The following ZFYVE28 variants were observed in gnomAD, a reference collection of about 807,000 sequenced individuals.
ZFYVE28 encodes zinc finger FYVE-type containing 28.
A neutral mutation model predicts 82.1 loss-of-function variants in ZFYVE28; 40 were observed. That is an observed-to-expected ratio of 0.49 (90% CI 0.38 to 0.63). The LOEUF (loss-of-function observed/expected upper bound fraction) is 0.63, where lower values mean the gene tolerates loss of function less well. Among genes scored for constraint, ZFYVE28 ranks in the 30% least tolerant of loss-of-function variants. The pLI is 0.00. For synonymous variants in ZFYVE28, 612 were observed against 546.1 expected, an observed-to-expected ratio of 1.12 and a Z score of -1.68; for missense variants, 1,321 against 1,242.1, an observed-to-expected ratio of 1.06 and a Z score of -0.96.
intron 1 of ZFYVE28, among the ~76,000 whole-genome samples, chr4:2,385,426 C>T (rs551805565): frequency 5.9e-5 from 9 of 152,256 alleles, no homozygotes; most frequent in African/African-American, 2.2e-4. Context: ...ACCTGCTGCC[C>T]TTACAGAGCT....
intron 1 of ZFYVE28, among the ~76,000 whole-genome samples, chr4:2,390,493 C>CG (rs1169733222): frequency 2.6e-5 from 4 of 152,146 alleles, no homozygotes; most frequent in African/African-American, 7.2e-5. Context: ...GACCCCATGT[C>CG]GGGGGCTCAG....
intron 1 of ZFYVE28, among the ~76,000 whole-genome samples, chr4:2,377,483 T>C (rs1345107297): frequency 2.6e-5 from 4 of 152,182 alleles, no homozygotes; most frequent in Non-Finnish European, 4.4e-5. Flanking sequence ...CATCTTATAA[T>C]AGGAAATGTT....
Position 2,320,088 on chromosome 4 carries a change from G to A in ZFYVE28, c.803+82C>T, listed in dbSNP as rs1024193618. 2.4e-5 allele frequency: 32 copies of A among 1,320,658 alleles called. No homozygotes were observed. Among genetic ancestry groups the A allele is most frequent in the Admixed American group, 1.1e-4 (6 of 55,348 alleles). The allele number at this position is 1,320,658 out of a possible 1,614,324, so 81.8% of individuals were successfully genotyped here. A position where few individuals can be genotyped will look rare whatever the true frequency, so the allele number is the denominator to read the frequency against. Reference sequence around the variant, plus strand: ...ACAGAGAGGAGGAGGACCTGGAGGCGGCGGCTAAACATGACTTCAGCGCCC... The same window carrying A: ...ACAGAGAGGAGGAGGACCTGGAGGCAGCGGCTAAACATGACTTCAGCGCCC... On this transcript the variant is annotated intron_variant, in intron 7 of 12. Coordinates refer to ENST00000290974, the MANE Select transcript of ZFYVE28 (RefSeq NM_020972.3). This position sits in a 1 kb window ranked among gnomAD's most constrained non-coding sequence, Gnocchi z 5.1.
rs984421032 is a variant in ZFYVE28 at position 2,365,086 on chromosome 4, C to T, written c.40-11013G>A. On this transcript the variant is annotated intron_variant, in intron 1 of 12. Coordinates refer to ENST00000290974, the MANE Select transcript of ZFYVE28 (RefSeq NM_020972.3). Reference sequence around the variant, plus strand: ...AGGGCGAGCAGTGGAGCTGGGCCACCCCGCAGGCAGTGGGCAGCGGGCAGC... The same window carrying T: ...AGGGCGAGCAGTGGAGCTGGGCCACTCCGCAGGCAGTGGGCAGCGGGCAGC... Among the ~76,000 whole-genome samples, 147 of 151,604 alleles carry T rather than the reference C, an allele frequency of 9.7e-4. 2 individuals carry two copies. The highest frequency in any genetic ancestry group is 3.4e-3 in the Middle Eastern group (1 of 294).
chr4:2,326,256 C>T (rs181424732), intron 6 of ZFYVE28, among the ~76,000 whole-genome samples: 1 of 152,260 alleles, frequency 6.6e-6, no homozygotes, highest in Admixed American at 6.5e-5. Flanking sequence ...AAGGTTCTAG[C>T]TTCATTCTTT....
At chr4:2,363,946 C>T (rs562850388) in intron 1 of ZFYVE28, among the ~76,000 whole-genome samples, 365 of 152,354 alleles carry the variant, frequency 2.4e-3, no homozygotes, top group Non-Finnish European at 4.1e-3. Flanking sequence ...TTCAAAGCCA[C>T]TCACCCTGCC....
In ZFYVE28 at chr4:2,332,650, G is replaced by A. The variant is rs145915360; in HGVS notation, c.701+3055C>T. Among the ~76,000 whole-genome samples the A allele has an allele frequency of 1.7e-4, 26 of 152,306 alleles. No homozygotes were observed. The highest frequency in any genetic ancestry group is 2.9e-4 in the Non-Finnish European group (20 of 68,012). ...AGGAGCAGGTTCTGGGCCCCACCAC[G>A]GGCAGCTGTGGCCTCTGCCTGTCCG... On this transcript the variant is annotated intron_variant, in intron 6 of 12. Coordinates refer to ENST00000290974, the MANE Select transcript of ZFYVE28 (RefSeq NM_020972.3). The surrounding 1 kb of genome is among the most constrained non-coding windows in gnomAD (Gnocchi z 4.7).
At chr4:2,326,105 G>C (rs571908910) in intron 6 of ZFYVE28, among the ~76,000 whole-genome samples, 1 of 152,224 alleles carries the variant, frequency 6.6e-6, no homozygotes, top group South Asian at 2.1e-4. Flanking sequence ...CCTGCACTTT[G>C]GGGCCAAATC....
At chr4:2,355,590 T>C (rs1333706119) in intron 1 of ZFYVE28, among the ~76,000 whole-genome samples, 1 of 150,172 alleles carries the variant, frequency 6.7e-6, no homozygotes, top group Non-Finnish European at 1.5e-5. Flanking sequence ...TATATACGTA[T>C]TTTTTGAGAC....
chr4:2,271,796 G>C lies in ZFYVE28; in HGVS notation c.2324-17C>G, dbSNP rs1477418462. 5 of 1,610,914 alleles carry C rather than the reference G, an allele frequency of 3.1e-6. No individual in the cohort carries two copies. The highest frequency in any genetic ancestry group is 1.7e-5 in the Admixed American group (1 of 60,004). On this transcript the variant is annotated splice_polypyrimidine_tract_variant and intron_variant, in intron 10 of 12. Transcript: ENST00000290974. ...TCTGGGTGACTAGTGGAGAAGGGGGGCCGTCGGGGTATGGTGAGGGAGGCG... is the reference window on the plus strand; with the variant it reads ...TCTGGGTGACTAGTGGAGAAGGGGGCCCGTCGGGGTATGGTGAGGGAGGCG...
intron 1 of ZFYVE28, among the ~76,000 whole-genome samples, chr4:2,401,467 C>T (rs1385408717): frequency 1.3e-5 from 2 of 152,186 alleles, no homozygotes; most frequent in Non-Finnish European, 2.9e-5. Context: ...CCCTCCCGGC[C>T]GGGCAGCACT....
At chr4:2,391,455 C>CTTTTTTTTTTTTTTTTTTTTTTTTTT (rs140103966) in intron 1 of ZFYVE28, among the ~76,000 whole-genome samples, 1 of 117,224 alleles carries the variant, frequency 8.5e-6, no homozygotes, top group Non-Finnish European at 1.7e-5. Flanking sequence ...GGTCAATTAT[C>CTTTTTTTTTTTTTTTTTTTTTTTTTT]TTTTTTTTTT....
Position 2,408,486 on chromosome 4 carries a change from G to A in ZFYVE28, c.39+9799C>T, listed in dbSNP as rs1732160433. ...CTCAGCATCGGGGAGAAAGCCTGGA[G>A]GGGGCCTGCCTGACAGCTGCACCAG... On this transcript the variant is annotated intron_variant, in intron 1 of 12. Coordinates refer to ENST00000290974, the MANE Select transcript of ZFYVE28 (RefSeq NM_020972.3). The surrounding 1 kb of genome is among the most constrained non-coding windows in gnomAD (Gnocchi z 4.3). Among the ~76,000 whole-genome samples the A allele has an allele frequency of 6.6e-6, 1 of 152,226 alleles. No homozygotes were observed. Among genetic ancestry groups the A allele is most frequent in the South Asian group, 2.1e-4 (1 of 4,838 alleles).
chr4:2,309,337 G>C (rs893062650), intron 7 of ZFYVE28, among the ~76,000 whole-genome samples: 1 of 152,146 alleles, frequency 6.6e-6, no homozygotes, highest in Non-Finnish European at 1.5e-5. Context: ...AGAATCATGA[G>C]CTAAACGAAC....
intron 8 of ZFYVE28, among the ~76,000 whole-genome samples, chr4:2,297,120 C>A (rs1042308187): frequency 6.6e-6 from 1 of 152,240 alleles, no homozygotes; most frequent in Non-Finnish European, 1.5e-5. Flanking sequence ...GAAGTGCCAG[C>A]CCAGCAGCAG....
intron 8 of ZFYVE28, among the ~76,000 whole-genome samples, chr4:2,299,721 G>T (rs1330419284): frequency 8.1e-6 from 1 of 123,556 alleles, no homozygotes. Context: ...AAACCATAGA[G>T]GAAACTATAA....
At chr4:2,316,589 T>C (rs1718240534) in intron 7 of ZFYVE28, 1 of 152,278 alleles carries the variant, frequency 6.6e-6, no homozygotes, top group Non-Finnish European at 1.5e-5. Context: ...TTCTTTAACA[T>C]GTTAATCAGC....
rs539605700 is a variant in ZFYVE28 at position 2,362,266 on chromosome 4, C to G, written c.40-8193G>C. Among the ~76,000 whole-genome samples, 40 of 152,244 alleles carry G rather than the reference C, an allele frequency of 2.6e-4. No individual in the cohort carries two copies. Among genetic ancestry groups the G allele is most frequent in the Admixed American group, 1.3e-4 (2 of 15,304 alleles). ...TGTCTGAGGCACCGCCTGGGCCTCT[C>G]CAGGGCCAGCTTTCCATTAAAGCCT... On this transcript the variant is annotated intron_variant, in intron 1 of 12. Transcript: ENST00000290974. This position sits in a 1 kb window ranked among gnomAD's most constrained non-coding sequence, Gnocchi z 5.1.
At chr4:2,410,413 C>T (rs1230984948) in intron 1 of ZFYVE28, among the ~76,000 whole-genome samples, 1 of 150,410 alleles carries the variant, frequency 6.6e-6, no homozygotes, top group Non-Finnish European at 1.5e-5. Flanking sequence ...TCCTGTATTC[C>T]AGGCTCATGG....
Sources: allele counts gnomAD v4.1 joint callset (sites outside exome capture counted in the v4.1 genomes callset), GRCh38; gene constraint gnomAD v4.1.1; non-coding constraint Gnocchi (gnomAD v3.1); transcripts MANE v1.5; gene names NCBI Gene and HGNC (gene_info 2026-07-23, HGNC 2026-07-21).